The following MAML2 variants were observed in gnomAD, a reference collection of about 807,000 sequenced individuals.
MAML2 encodes the protein mastermind-like protein 2.
Under a neutral mutation model 96.1 loss-of-function variants are expected in MAML2, and 22 were observed. The ratio of observed to expected loss-of-function variants is 0.23; its 90% CI spans 0.16 to 0.33. The LOEUF (loss-of-function observed/expected upper bound fraction) is 0.33, where lower values mean the gene tolerates loss of function less well. Ranked by LOEUF, MAML2 falls within the 10% of genes least tolerant of loss-of-function variation. MAML2 has a pLI of 1.00. For synonymous variants in MAML2, 561 were observed against 521.3 expected (o/e 1.08, Z -1.04); for missense variants, 1,367 against 1,392.4 (o/e 0.98, Z 0.29).
chr11:96,112,808 T>C (rs1258801736), intron 1 of MAML2, among the ~76,000 whole-genome samples: 1 of 152,246 alleles, frequency 6.6e-6, no homozygotes, highest in Non-Finnish European at 1.5e-5. Flanking sequence ...TTTTGTGATA[T>C]AAGGAACATA....
At chr11:96,037,918 A>G (rs569647250) in intron 2 of MAML2, among the ~76,000 whole-genome samples, 1 of 152,344 alleles carries the variant, frequency 6.6e-6, no homozygotes, top group African/African-American at 2.4e-5. Flanking sequence ...AGATCACTAG[A>G]TATAGGCTAA....
At chr11:96,338,812 T>A (rs1397805486) in intron 1 of MAML2, among the ~76,000 whole-genome samples, 1 of 152,098 alleles carries the variant, frequency 6.6e-6, no homozygotes, top group African/African-American at 2.4e-5. Context: ...TAAGAAAAAA[T>A]TCTGACACTC....
At chr11:96,249,115 G>A (rs1303474849) in intron 1 of MAML2, among the ~76,000 whole-genome samples, 1 of 152,114 alleles carries the variant, frequency 6.6e-6, no homozygotes, top group Non-Finnish European at 1.5e-5. Flanking sequence ...TAATTTATTG[G>A]CAGTATTTGA....
At chr11:96,189,464 A>G (rs1381072663) in intron 1 of MAML2, among the ~76,000 whole-genome samples, 1 of 152,240 alleles carries the variant, frequency 6.6e-6, no homozygotes, top group East Asian at 1.9e-4. Context: ...ATAAGCTTAA[A>G]CACTATTGCG....
intron 1 of MAML2, among the ~76,000 whole-genome samples, chr11:96,303,871 C>T (rs745339140): frequency 6.6e-6 from 1 of 152,174 alleles, no homozygotes; most frequent in Non-Finnish European, 1.5e-5. Context: ...TCCCCCTTAT[C>T]CTCTCTCCAG....
intron 1 of MAML2, among the ~76,000 whole-genome samples, chr11:96,191,289 C>T (rs527902410): frequency 1.3e-5 from 2 of 151,648 alleles, no homozygotes; most frequent in African/African-American, 2.4e-5. Flanking sequence ...CACGGTGAAA[C>T]CCCATCTCTA....
chr11:96,021,916 C>A (rs1377161827), intron 2 of MAML2, among the ~76,000 whole-genome samples: 3 of 152,204 alleles, frequency 2.0e-5, no homozygotes, highest in African/African-American at 7.2e-5. Context: ...CCAGGTGCAA[C>A]CCAGATCCAA....
chr11:96,100,312 T>G (rs1565214674), intron 1 of MAML2, among the ~76,000 whole-genome samples: 1 of 151,982 alleles, frequency 6.6e-6, no homozygotes, highest in African/African-American at 2.4e-5. Context: ...TGTTTTTCTT[T>G]CTTTTTTTTT....
At chr11:96,059,423 A>G (rs1235772412) in intron 2 of MAML2, among the ~76,000 whole-genome samples, 1 of 152,140 alleles carries the variant, frequency 6.6e-6, no homozygotes, top group Non-Finnish European at 1.5e-5. Flanking sequence ...GATTTTTAAA[A>G]CCCCTACTTT....
intron 2 of MAML2, among the ~76,000 whole-genome samples, chr11:96,074,613 A>G (rs1218917685): frequency 6.6e-6 from 1 of 152,238 alleles, no homozygotes; most frequent in East Asian, 1.9e-4. Context: ...CACCTTTGCA[A>G]CTGCATTTGG....
intron 1 of MAML2, among the ~76,000 whole-genome samples, chr11:96,202,849 A>G (rs1861845611): frequency 6.6e-6 from 1 of 152,128 alleles, no homozygotes; most frequent in South Asian, 2.1e-4. Flanking sequence ...GCTGGTCTCG[A>G]ATTGCTGACC....
At chr11:96,189,966 C>G (rs1336870870) in intron 1 of MAML2, among the ~76,000 whole-genome samples, 1 of 152,042 alleles carries the variant, frequency 6.6e-6, no homozygotes, top group African/African-American at 2.4e-5. Flanking sequence ...GTAGGTGTCA[C>G]TAGATGACAC....
chr11:96,286,444 A>G (rs1175883718), intron 1 of MAML2, among the ~76,000 whole-genome samples: 1 of 152,212 alleles, frequency 6.6e-6, no homozygotes, highest in Non-Finnish European at 1.5e-5. Context: ...TATGTAACAA[A>G]CTTGCACATT....
chr11:96,132,700 T>C (rs1275988804), intron 1 of MAML2, among the ~76,000 whole-genome samples: 1 of 152,230 alleles, frequency 6.6e-6, no homozygotes, highest in Admixed American at 6.5e-5. Flanking sequence ...TTCTACCAAA[T>C]ACTGTAGCTC....
intron 2 of MAML2, among the ~76,000 whole-genome samples, chr11:96,006,639 AGCTCTG>A: frequency 6.6e-6 from 1 of 150,730 alleles, no homozygotes; most frequent in Non-Finnish European, 1.5e-5. Context: ...GTCCACTGCA[AGCTCTG>A]CCTCCCAGGT....
At chr11:96,105,686 ATG>A (rs1176636987) in intron 1 of MAML2, among the ~76,000 whole-genome samples, 1 of 152,214 alleles carries the variant, frequency 6.6e-6, no homozygotes, top group Non-Finnish European at 1.5e-5. Flanking sequence ...AAGTGTTGAT[ATG>A]TGTTTTCTCT....
intron 1 of MAML2, among the ~76,000 whole-genome samples, chr11:96,307,525 G>C (rs987698424): frequency 2.0e-5 from 3 of 151,952 alleles, no homozygotes; most frequent in African/African-American, 7.3e-5. Flanking sequence ...AGGCACTCTC[G>C]ACAGCAGCTG....
intron 1 of MAML2, among the ~76,000 whole-genome samples, chr11:96,121,771 A>G (rs1038223453): frequency 4.0e-4 from 33 of 82,276 alleles, no homozygotes; most frequent in African/African-American, 1.4e-3. Context: ...CCATATTCCC[A>G]ACTGCGTGAT....
At chr11:96,262,367 C>T (rs894044323) in intron 1 of MAML2, among the ~76,000 whole-genome samples, 1 of 152,140 alleles carries the variant, frequency 6.6e-6, no homozygotes, top group African/African-American at 2.4e-5. Context: ...TTCACAAAAT[C>T]AAACTGAAAA....
Sources: allele counts gnomAD v4.1 joint callset (sites outside exome capture counted in the v4.1 genomes callset), GRCh38; gene constraint gnomAD v4.1.1; transcripts MANE v1.5; gene names NCBI Gene and HGNC (gene_info 2026-07-23, HGNC 2026-07-21).